CASZ1: variants seen among roughly 807,000 people sequenced by gnomAD.
CASZ1 encodes castor zinc finger 1.
CASZ1 carries 28 observed loss-of-function variants against 135.2 expected under a neutral mutation model. That is an observed-to-expected ratio of 0.21 (90% CI 0.15 to 0.28). CASZ1 has a LOEUF of 0.28. Ranked by LOEUF, CASZ1 falls within the 10% of genes least tolerant of loss-of-function variation. The probability of loss-of-function intolerance (pLI) is 1.00; values close to 1 mark genes in which losing one functional copy is unlikely to be tolerated. For synonymous variants in CASZ1, 1,068 were observed against 1,073.4 expected (o/e 0.99, Z 0.10); for missense variants, 2,161 against 2,453.3 (o/e 0.88, Z 2.52).
In CASZ1 at chr1:10,639,634, C is replaced by A. The variant is rs1237707249; in HGVS notation, c.4588G>T (p.Val1530Phe). ...CRFRCTDSTKVTAHRKHHGKQ... is the reference protein window; with the variant it reads ...CRFRCTDSTKFTAHRKHHGKQ... ...CCGTGGTGCTTGCGATGCGCCGTGA[C>A]CTTGGTGCTGTCGGTGCAGCGGAAG... Residue 1530 changes from valine to phenylalanine, a missense_variant, in exon 21 of 21, where the codon GTC (valine) becomes TTC (phenylalanine). By Grantham distance (50) the Val-to-Phe change is conservative (BLOSUM62 -1). Transcript: ENST00000377022. This position sits in a 1 kb window ranked among gnomAD's most constrained non-coding sequence, Gnocchi z 4.0. 6.2e-7 allele frequency: 1 copy of A among 1,607,910 alleles called. No individual in the cohort carries two copies. The highest frequency in any genetic ancestry group is 8.5e-7 in the Non-Finnish European group (1 of 1,178,732).
intron 1 of CASZ1, among the ~76,000 whole-genome samples, chr1:10,782,600 C>A (rs1174728961): frequency 6.6e-6 from 1 of 152,114 alleles, no homozygotes; most frequent in Non-Finnish European, 1.5e-5. Flanking sequence ...CCGGGTGGGT[C>A]ACCCGGGACA....
intron 1 of CASZ1, among the ~76,000 whole-genome samples, chr1:10,775,762 G>A (rs930472275): frequency 3.3e-5 from 5 of 152,192 alleles, no homozygotes; most frequent in Non-Finnish European, 7.3e-5. Flanking sequence ...ACAAGAAGGA[G>A]GCCAAAGGGC....
rs367666133 is a variant in CASZ1, at chr1:10,646,147, T to G, written c.3677A>C (p.Gln1226Pro). 1 of 1,614,114 alleles carries G rather than the reference T, an allele frequency of 6.2e-7. No homozygotes were observed. The highest frequency in any genetic ancestry group is 8.5e-7 in the Non-Finnish European group (1 of 1,180,026). Reference sequence around the variant, plus strand: ...GCTGACCTGGTTGGGACAGAGACACTGCAGAGAGTAGTATGCAAACTGGTC... The same window carrying G: ...GCTGACCTGGTTGGGACAGAGACACGGCAGAGAGTAGTATGCAAACTGGTC... ...VRDQFAYYSL[Q>P]CLCPNQHCEF... The change falls in exon 17 of 21, where the codon CAG (glutamine) becomes CCG (proline). Residue 1226 changes from glutamine to proline, a missense_variant. Gln to Pro is a moderately conservative substitution (Grantham distance 76). This residue lies in a region of CASZ1 where 349 missense variants were observed against 460.8 expected (regional missense o/e 0.76). Coordinates refer to ENST00000377022, the MANE Select transcript of CASZ1 (RefSeq NM_001079843.3). This position sits in a 1 kb window ranked among gnomAD's most constrained non-coding sequence, Gnocchi z 6.4.
chr1:10,658,463 GC>G (rs764442090), intron 7 of CASZ1, 44 bp downstream of exon 7: 3 of 1,533,046 alleles, frequency 2.0e-6, no homozygotes, highest in East Asian at 2.2e-5. Context: ...GTCAGTCCTG[GC>G]CCCCCACCTT....
rs1481894294 is a variant in CASZ1, at chr1:10,767,887, A to G, written c.-233-7030T>C. Among the ~76,000 whole-genome samples the G allele has an allele frequency of 2.6e-5, 4 of 152,026 alleles. No homozygotes were observed. The highest frequency in any genetic ancestry group is 9.7e-5 in the African/African-American group (4 of 41,404). Reference sequence around the variant, plus strand: ...AGGGCCACGACCCTGGCATCACCCCAGTCCCCCAACGCCCACTCCAACCCT... The same window carrying G: ...AGGGCCACGACCCTGGCATCACCCCGGTCCCCCAACGCCCACTCCAACCCT... On this transcript the variant is annotated intron_variant, in intron 1 of 20. Coordinates refer to ENST00000377022, the MANE Select transcript of CASZ1 (RefSeq NM_001079843.3). This position sits in a 1 kb window ranked among gnomAD's most constrained non-coding sequence, Gnocchi z 4.2.
At chr1:10,743,488 A>AG (rs1313562871) in intron 2 of CASZ1, among the ~76,000 whole-genome samples, 2 of 151,012 alleles carry the variant, frequency 1.3e-5, no homozygotes, top group Admixed American at 1.3e-4. Flanking sequence ...CTCCACGTAG[A>AG]GACCTGTACT....
chr1:10,680,302 G>C (rs115808023), intron 4 of CASZ1, among the ~76,000 whole-genome samples: 6,491 of 148,988 alleles, frequency 0.044, 548 homozygotes, highest in African/African-American at 0.15. Flanking sequence ...GGGGAGGGGG[G>C]TGCGAGGCCG....
chr1:10,660,740 G>A (rs1463145438), intron 5 of CASZ1: 1 of 561,618 alleles, frequency 1.8e-6, no homozygotes, highest in Non-Finnish European at 3.1e-6. Flanking sequence ...TTAATACTGG[G>A]GTAAAATAAA....
In CASZ1 at chr1:10,701,503, G is replaced by A. The variant is rs983345270; in HGVS notation, c.-24+3989C>T. On this transcript the variant is annotated intron_variant, in intron 3 of 20. Coordinates refer to ENST00000377022, the MANE Select transcript of CASZ1 (RefSeq NM_001079843.3). The surrounding 1 kb of genome is among the most constrained non-coding windows in gnomAD (Gnocchi z 6.3). ...GTCCAGCCCCCTCTCGCCAAAGCTC[G>A]CCCTTCAGAGTGATGGAGTGATGGG... Among the ~76,000 whole-genome samples the A allele has an allele frequency of 6.6e-5, 10 of 152,120 alleles. No homozygotes were observed. Among genetic ancestry groups the A allele is most frequent in the African/African-American group, 2.4e-4 (10 of 41,424 alleles).
Position 10,748,543 on chromosome 1 carries a change from T to C in CASZ1, c.-77+12158A>G, listed in dbSNP as rs115831217. On this transcript the variant is annotated intron_variant, in intron 2 of 20. Transcript: ENST00000377022. ...GGCTAAGCTTGCAGAGTGACGGCCA[T>C]GTCTATAAAACAGTGGGTCTGAACT... 7.2e-3 allele frequency among the ~76,000 whole-genome samples: 1,095 copies of C among 152,300 alleles called. 10 individuals carry two copies. Among genetic ancestry groups the C allele is most frequent in the African/African-American group, 0.023 (967 of 41,560 alleles).
intron 2 of CASZ1, among the ~76,000 whole-genome samples, chr1:10,742,135 T>C: frequency 6.6e-6 from 1 of 152,118 alleles, no homozygotes; most frequent in East Asian, 1.9e-4. Context: ...ACAGAAGCAT[T>C]GACTTCTCAA....
At chr1:10,693,497 CA>C (rs1172496673) in intron 4 of CASZ1, among the ~76,000 whole-genome samples, 2,303 of 23,234 alleles carry the variant, frequency 0.099, 11 homozygotes, top group African/African-American at 0.12. Context: ...TTGCAGAGAA[CA>C]AAAAAAAAAA....
chr1:10,665,155 C>A lies in CASZ1; in HGVS notation c.433G>T (p.Ala145Ser). The change falls in exon 5 of 21, where the codon GCC (alanine) becomes TCC (serine). Residue 145 changes from alanine (A) to serine (S), a missense_variant. Around this residue, in one of 7 missense-constraint regions of CASZ1, gnomAD observed 590 missense variants for 609.8 expected, o/e 0.97. Transcript: ENST00000377022. Reference protein sequence around the residue: ...HAEEPSKDGGALEEKDSDGAA... With the variant: ...HAEEPSKDGGSLEEKDSDGAA... ...CCGTCCGAATCCTTCTCCTCCAGGG[C>A]ACCGCCGTCCTTGGAGGGCTCCTCC... is the stretch of plus-strand genomic sequence containing the variant. The A allele has an allele frequency of 6.5e-7, 1 of 1,543,410 alleles. No individual in the cohort carries two copies. Among genetic ancestry groups the A allele is most frequent in the Non-Finnish European group, 8.8e-7 (1 of 1,142,386 alleles).
chr1:10,651,002 C>T lies in CASZ1; in HGVS notation c.2755G>A (p.Ala919Thr), dbSNP rs759961314. Residue 919 changes from alanine (A) to threonine (T), a missense_variant, in exon 12 of 21, where the codon GCC becomes ACC. Around this residue, in one of 7 missense-constraint regions of CASZ1, gnomAD observed 406 missense variants for 387.6 expected, o/e 1.05. Transcript: ENST00000377022. ...TGGGAGGCTTCGTGGGGGCCTGGGG[C>T]GCCGGTGCTCTCACCGGGTTCCGGC... The part of the protein sequence containing the change: ...VKPEPGESTG[A>T]PGPHEASQDR... 5.1e-5 allele frequency: 80 copies of T among 1,570,740 alleles called. 1 individual carries two copies. Among genetic ancestry groups the T allele is most frequent in the Middle Eastern group, 3.4e-4 (2 of 5,898 alleles).
rs970247371 is a variant in CASZ1 at position 10,763,516 on chromosome 1, C to T, written c.-233-2659G>A. The stretch of plus-strand genomic sequence containing the variant: ...CTCTAGAAATGCCCAGAATCACCAC[C>T]ACCCTCTTCTTCCAAGCCTCTTCAA... On this transcript the variant is annotated intron_variant, in intron 1 of 20. Transcript: ENST00000377022. Among the ~76,000 whole-genome samples, 3 of 152,200 alleles carry T rather than the reference C, an allele frequency of 2.0e-5. No homozygotes were observed. The East Asian group carries it at 5.8e-4, about 29-fold the overall frequency.
chr1:10,674,120 T>C (rs1050079934), intron 4 of CASZ1, among the ~76,000 whole-genome samples: 4 of 152,216 alleles, frequency 2.6e-5, no homozygotes, highest in African/African-American at 9.6e-5. Flanking sequence ...TGGGGCAAGA[T>C]GCCCTCCCCA....
In CASZ1 at chr1:10,654,067, C is replaced by A. The variant is rs1382389259; in HGVS notation, c.1990G>T (p.Ala664Ser). 3 of 1,614,190 alleles carry A rather than the reference C, an allele frequency of 1.9e-6. No individual in the cohort carries two copies. The highest frequency in any genetic ancestry group is 2.5e-6 in the Non-Finnish European group (3 of 1,180,028). ...CKYEGCVYSK[A>S]TNHFHCIRAG... ...CGGATGCAGTGGAAGTGGTTGGTAG[C>A]CTTGCTGTACACGCAGCCCTCGTAC... The change falls in exon 11 of 21, where the codon GCT (alanine) becomes TCT (serine). Residue 664 changes from alanine to serine, a missense_variant. Around this residue, in one of 7 missense-constraint regions of CASZ1, gnomAD observed 248 missense variants for 410.8 expected, o/e 0.60. Coordinates refer to ENST00000377022, the MANE Select transcript of CASZ1 (RefSeq NM_001079843.3).
chr1:10,776,308 T>C lies in CASZ1; in HGVS notation c.-233-15451A>G, dbSNP rs1284404531. Among the ~76,000 whole-genome samples the C allele has an allele frequency of 6.6e-6, 1 of 152,222 alleles. No homozygotes were observed. The highest frequency in any genetic ancestry group is 6.5e-5 in the Admixed American group (1 of 15,288). On this transcript the variant is annotated intron_variant, in intron 1 of 20. Transcript: ENST00000377022. The surrounding 1 kb of genome is among the most constrained non-coding windows in gnomAD (Gnocchi z 4.1). The stretch of plus-strand genomic sequence containing the variant: ...ATTCTCATCCCCTTAATCTCCATAG[T>C]AGTGGCTTCAAAATCATTCCTCCCA...
intron 1 of CASZ1, among the ~76,000 whole-genome samples, chr1:10,770,126 T>C (rs1253337939): frequency 6.6e-6 from 1 of 151,926 alleles, no homozygotes; most frequent in African/African-American, 2.4e-5. Context: ...GCTCTGTCAC[T>C]CAGGCTGGAG....
Sources: gnomAD v4.1 joint callset for allele counts (sites outside exome capture counted in the v4.1 genomes callset) on GRCh38, gnomAD v4.1.1 for gene constraint, gnomAD v4.1.1 regional missense constraint, Gnocchi (gnomAD v3.1) non-coding constraint, MANE v1.5 for transcripts, NCBI Gene and HGNC (gene_info 2026-07-23, HGNC 2026-07-21) for gene names.